The following DLG2 variants were observed in gnomAD, a reference collection of about 807,000 sequenced individuals.
DLG2 encodes discs large MAGUK scaffold protein 2, also known as disks large homolog 2.
DLG2 carries 45 observed loss-of-function variants against 132.5 expected under a neutral mutation model. The ratio of observed to expected loss-of-function variants is 0.34; its 90% CI spans 0.27 to 0.44. The LOEUF (loss-of-function observed/expected upper bound fraction) is 0.44. DLG2 is among the 20% of genes least tolerant of loss of function. The probability of loss-of-function intolerance (pLI) is 1.00; values close to 1 mark genes in which losing one functional copy is unlikely to be tolerated. For synonymous variants in DLG2, 424 were observed against 419.6 expected, an observed-to-expected ratio of 1.01 and a Z score of -0.13; for missense variants, 1,045 against 1,196.9, an observed-to-expected ratio of 0.87 and a Z score of 1.87.
rs141485571 is a variant in DLG2, at chr11:83,613,451, T to C, written c.1940+19760A>G. ...CATTTCATCACTGGAAATCAAAATG[T>C]AAATGTGAGAACTCTGATTTTCAAG... is the stretch of plus-strand genomic sequence containing the variant. On this transcript the variant is annotated intron_variant, in intron 19 of 27. Transcript: ENST00000376104. Among the ~76,000 whole-genome samples the C allele has an allele frequency of 3.1e-3, 472 of 152,330 alleles. 4 individuals are homozygous for C. The highest frequency in any genetic ancestry group is 0.017 in the Middle Eastern group (5 of 294).
chr11:85,494,864 A>G (rs1192467660), intron 3 of DLG2, among the ~76,000 whole-genome samples: 1 of 147,228 alleles, frequency 6.8e-6, no homozygotes, highest in East Asian at 2.0e-4. Flanking sequence ...AAACACAAAA[A>G]GCAACAATCA....
chr11:85,564,572 C>T (rs964656073), intron 3 of DLG2, among the ~76,000 whole-genome samples: 1 of 151,962 alleles, frequency 6.6e-6, no homozygotes, highest in Admixed American at 6.6e-5. Flanking sequence ...TCACCCTATA[C>T]ATTGAATCTA....
intron 7 of DLG2, among the ~76,000 whole-genome samples, chr11:84,318,604 C>A (rs535518959): frequency 6.6e-6 from 1 of 152,280 alleles, no homozygotes; most frequent in Admixed American, 6.5e-5. Context: ...CACTAAGACT[C>A]CCTGGATAAA....
At chr11:85,541,364 GA>G (rs987980491) in intron 3 of DLG2, among the ~76,000 whole-genome samples, 8 of 151,028 alleles carry the variant, frequency 5.3e-5, no homozygotes, top group South Asian at 2.1e-4. Flanking sequence ...CATACAGCTG[GA>G]AAAAAAATTA....
At chr11:85,102,173 AG>A (rs1290879998) in intron 6 of DLG2, among the ~76,000 whole-genome samples, 1 of 152,080 alleles carries the variant, frequency 6.6e-6, no homozygotes, top group Admixed American at 6.6e-5. Context: ...CTATAGAGAT[AG>A]TAAACAATAT....
intron 11 of DLG2, among the ~76,000 whole-genome samples, chr11:84,033,729 G>A (rs1473769733): frequency 6.6e-6 from 1 of 152,090 alleles, no homozygotes; most frequent in Non-Finnish European, 1.5e-5. Flanking sequence ...AAACTTCAGT[G>A]TCTTAGTTTT....
chr11:83,883,028 C>G (rs542889741), intron 15 of DLG2, among the ~76,000 whole-genome samples: 4 of 152,224 alleles, frequency 2.6e-5, no homozygotes, highest in African/African-American at 9.6e-5. Context: ...CATGGCAGCC[C>G]AAACACTGGC....
intron 6 of DLG2, among the ~76,000 whole-genome samples, chr11:84,733,451 G>A (rs1425056202): frequency 1.3e-5 from 2 of 152,178 alleles, no homozygotes; most frequent in Non-Finnish European, 2.9e-5. Flanking sequence ...TTTGAGAAGT[G>A]TCTATTCACA....
chr11:83,766,070 T>G (rs2094129251), intron 18 of DLG2, among the ~76,000 whole-genome samples: 1 of 151,506 alleles, frequency 6.6e-6, no homozygotes, highest in South Asian at 2.1e-4. Flanking sequence ...ATATTAAAAC[T>G]AATCTTGGGA....
intron 21 of DLG2, 96 bp downstream of exon 21, chr11:83,532,612 T>G: frequency 1.0e-6 from 1 of 987,594 alleles, no homozygotes; most frequent in South Asian, 1.3e-5. Flanking sequence ...TCTGGTACCT[T>G]CATAATTTGT....
chr11:84,264,127 G>A lies in DLG2; in HGVS notation c.520-12836C>T, dbSNP rs184170298. 1.8e-4 allele frequency among the ~76,000 whole-genome samples: 27 copies of A among 152,280 alleles called. No individual in the cohort carries two copies. In the East Asian group the frequency reaches 4.8e-3, roughly 27 times the overall value. On this transcript the variant is annotated intron_variant, in intron 7 of 27. Coordinates refer to ENST00000376104, the MANE Select transcript of DLG2 (RefSeq NM_001142699.3). The stretch of plus-strand genomic sequence containing the variant: ...CAGATAAAAAGGAGACGTGAATGGG[G>A]ACTAGAAACATAGAGGTTCACTAAA...
In DLG2 at chr11:85,609,580, C is replaced by T. The variant is rs1220524969; in HGVS notation, c.-92-10792G>A. Among the ~76,000 whole-genome samples the T allele has an allele frequency of 4.6e-5, 7 of 152,318 alleles. No individual in the cohort carries two copies. In the South Asian group the frequency reaches 8.3e-4, roughly 18 times the overall value. The stretch of plus-strand genomic sequence containing the variant: ...AATGAGAAACAAGCTGCCCCCTCGT[C>T]CATGTCTGCTATGCTGAGGCAATCA... On this transcript the variant is annotated intron_variant, in intron 2 of 27. Coordinates refer to ENST00000376104, the MANE Select transcript of DLG2 (RefSeq NM_001142699.3).
At chr11:84,697,888 C>G (rs998686012) in intron 6 of DLG2, among the ~76,000 whole-genome samples, 1 of 151,340 alleles carries the variant, frequency 6.6e-6, no homozygotes, top group Non-Finnish European at 1.5e-5. Flanking sequence ...TTGAAAAGCA[C>G]AAGGTGTATT....
chr11:84,469,893 A>G (rs1381444801), intron 7 of DLG2, among the ~76,000 whole-genome samples: 1 of 151,656 alleles, frequency 6.6e-6, no homozygotes, highest in African/African-American at 2.4e-5. Flanking sequence ...TCGGTGTTGT[A>G]CGAACATCGG....
At chr11:84,859,558 G>T (rs1209497175) in intron 6 of DLG2, among the ~76,000 whole-genome samples, 1 of 150,480 alleles carries the variant, frequency 6.6e-6, no homozygotes, top group South Asian at 2.1e-4. Context: ...TAAAATACAA[G>T]TAATGTTAGA....
At chr11:85,366,749 G>A (rs931392800) in intron 3 of DLG2, among the ~76,000 whole-genome samples, 3 of 152,054 alleles carry the variant, frequency 2.0e-5, no homozygotes, top group East Asian at 1.9e-4. Context: ...AGCCATAATC[G>A]TTGGATTTAT....
chr11:84,969,074 C>CAA (rs375526999), intron 6 of DLG2, among the ~76,000 whole-genome samples: 64 of 111,726 alleles, frequency 5.7e-4, no homozygotes, highest in Admixed American at 1.8e-3. Context: ...TCTTCACTTG[C>CAA]AAAAAAAAAA....
intron 7 of DLG2, among the ~76,000 whole-genome samples, chr11:84,377,362 G>A (rs947127679): frequency 6.6e-6 from 1 of 151,816 alleles, no homozygotes; most frequent in Non-Finnish European, 1.5e-5. Context: ...CACCATGAAA[G>A]GCAAAATGTT....
At chr11:84,771,470 C>G (rs1260207853) in intron 6 of DLG2, among the ~76,000 whole-genome samples, 1 of 152,016 alleles carries the variant, frequency 6.6e-6, no homozygotes. Flanking sequence ...TTGTTTTTTT[C>G]TTGTGAATTT....
Sources: allele counts gnomAD v4.1 joint callset (sites outside exome capture counted in the v4.1 genomes callset), GRCh38; gene constraint gnomAD v4.1.1; transcripts MANE v1.5; gene names NCBI Gene and HGNC (gene_info 2026-07-23, HGNC 2026-07-21).